SUN1: variants seen among roughly 807,000 people sequenced by gnomAD.
The protein encoded by SUN1 is Sad1 and UNC84 domain containing 1.
SUN1 carries 61 observed loss-of-function variants against 103.2 expected under a neutral mutation model. That is an observed-to-expected ratio of 0.59 (90% CI 0.48 to 0.73). The LOEUF is 0.73. Ranked by LOEUF, SUN1 falls within the 30% of genes least tolerant of loss-of-function variation. SUN1 has a pLI of 0.00. For synonymous variants in SUN1, 490 were observed against 425.7 expected, an observed-to-expected ratio of 1.15 and a Z score of -1.86; for missense variants, 1,052 against 1,034.6, an observed-to-expected ratio of 1.02 and a Z score of -0.23.
chr7:840,340 C>T (rs560626582), intron 2 of SUN1, among the ~76,000 whole-genome samples: 169 of 152,342 alleles, frequency 1.1e-3, no homozygotes, highest in African/African-American at 3.8e-3. Flanking sequence ...ACCCAGTTAC[C>T]AGGGTCGCAC....
rs59910530 is a variant in SUN1 at position 857,859 on chromosome 7, G to A, written c.1426G>A (p.Glu476Lys). The change falls in exon 13 of 19, where the codon GAG (glutamate) becomes AAG (lysine). Residue 476 changes from glutamate (E) to lysine (K), a missense_variant. Around this residue, in one of 2 missense-constraint regions of SUN1, gnomAD observed 846 missense variants for 774.5 expected, o/e 1.09. Coordinates refer to ENST00000401592, the MANE Select transcript of SUN1 (RefSeq NM_001130965.3). ...AVGEQLLPTV[E>K]HLQLELDQLK... ...TGGTGAGCAGCTCCTGCCCACAGTC[G>A]AGCACCTCCAGCTGGAGCTGGATCA... The A allele has an allele frequency of 0.17, 278,758 of 1,595,722 alleles. 25,499 individuals are homozygous for A. Among genetic ancestry groups the A allele is most frequent in the South Asian group, 0.24 (21,379 of 89,654 alleles).
At chr7:839,553 T>TACATAAAG (rs1807087885) in intron 2 of SUN1, among the ~76,000 whole-genome samples, 2 of 50,916 alleles carry the variant, frequency 3.9e-5, no homozygotes, top group African/African-American at 1.4e-4. Context: ...GCCTGGCAAA[T>TACATAAAG]TTTCCTTTTT....
intron 2 of SUN1, 182 bp from the exon 3 acceptor site, chr7:841,764 T>G: frequency 1.6e-6 from 1 of 620,704 alleles, no homozygotes; most frequent in Non-Finnish European, 2.7e-6. Context: ...AGTTCTTGGA[T>G]CCCAGCTCAA....
At position 842,214 on chromosome 7, in the gene SUN1, A is replaced by G. The variant is rs544759877; in HGVS notation, c.451+84A>G. On this transcript the variant is annotated intron_variant, in intron 3 of 18. Coordinates refer to ENST00000401592, the MANE Select transcript of SUN1 (RefSeq NM_001130965.3). The stretch of plus-strand genomic sequence containing the variant: ...GCTGGGGAGAGGGGAGGCGGTGGCC[A>G]GGTTGTCGGTTTGCATGGATTATGC... The G allele has an allele frequency of 6.1e-5, 91 of 1,483,572 alleles. No individual in the cohort carries two copies. The Middle Eastern group carries it at 8.3e-4, about 14-fold the overall frequency. The allele number at this position is 1,483,572 out of a possible 1,614,324, so 91.9% of individuals were successfully genotyped here.
intron 16 of SUN1, 150 bp downstream of exon 16, chr7:866,217 A>G (rs1836407372): frequency 2.9e-6 from 2 of 686,028 alleles, no homozygotes; most frequent in East Asian, 2.8e-5. Context: ...TCCCACACCG[A>G]GGAGTCCCCG....
At chr7:840,093 T>C (rs1322707763) in intron 2 of SUN1, among the ~76,000 whole-genome samples, 1 of 152,166 alleles carries the variant, frequency 6.6e-6, no homozygotes, top group Non-Finnish European at 1.5e-5. Flanking sequence ...CAGTCATCTT[T>C]CTCTCGAGAA....
chr7:820,704 T>G (rs1785078063), intron 1 of SUN1, among the ~76,000 whole-genome samples: 1 of 152,240 alleles, frequency 6.6e-6, no homozygotes, highest in African/African-American at 2.4e-5. Flanking sequence ...CTTTATCATG[T>G]GAGGAAGTTC....
chr7:862,255 A>T (rs1832799212), intron 15 of SUN1, among the ~76,000 whole-genome samples: 1 of 152,176 alleles, frequency 6.6e-6, no homozygotes, highest in South Asian at 2.1e-4. Flanking sequence ...AGTACACGTT[A>T]GTGTGTGGAG....
At position 841,775 on chromosome 7, in the gene SUN1, A is replaced by C. The variant is rs1810219025; in HGVS notation, c.267-171A>C. ...AGGGAGTTCTTGGATCCCAGCTCAA[A>C]AATTCCTTTTTTATATTAACAGTTG... On this transcript the variant is annotated intron_variant, in intron 2 of 18. Transcript: ENST00000401592. The C allele has an allele frequency of 4.5e-6, 3 of 666,886 alleles. No homozygotes were observed. In the East Asian group the frequency reaches 8.6e-5, roughly 19 times the overall value. The allele number at this position is 666,886 out of a possible 1,614,324, so 41.3% of individuals were successfully genotyped here.
intron 5 of SUN1, chr7:848,739 C>T: frequency 1.8e-6 from 1 of 548,348 alleles, no homozygotes; most frequent in African/African-American, 2.0e-5. Context: ...TGCTGGCTCT[C>T]TCCTGGCTTC....
chr7:844,476 C>G (rs575373060), intron 5 of SUN1, among the ~76,000 whole-genome samples: 1 of 152,174 alleles, frequency 6.6e-6, no homozygotes, highest in Non-Finnish European at 1.5e-5. Flanking sequence ...TGAAGGATGG[C>G]GACAGGACGA....
At chr7:872,755 C>T (rs1224023538) in intron 18 of SUN1, among the ~76,000 whole-genome samples, 193 bp downstream of exon 18, 1 of 152,220 alleles carries the variant, frequency 6.6e-6, no homozygotes, top group South Asian at 2.1e-4. Context: ...ACCCGTGCTT[C>T]ATGCCCTGTG....
rs148808656 is a variant in SUN1 at position 822,464 on chromosome 7, G to C, written c.-74+5791G>C. On this transcript the variant is annotated intron_variant, in intron 1 of 17. Coordinates refer to the SUN1 transcript ENST00000389574. ...TCACATCCAGGTGCCGGGTTCCCTG[G>C]GTCCCTACGGTGGGGAGACACCCCT... 4.3e-3 allele frequency among the ~76,000 whole-genome samples: 662 copies of C among 152,274 alleles called. 6 individuals carry two copies. Among genetic ancestry groups the C allele is most frequent in the Admixed American group, 0.012 (186 of 15,306 alleles).
intron 5 of SUN1, chr7:848,280 C>T (rs1818477714): frequency 1.4e-6 from 1 of 738,238 alleles, no homozygotes; most frequent in East Asian, 5.8e-5. Context: ...CCACTGCCAG[C>T]TGGGCTCTTC....
At chr7:831,598 A>T (rs1013546380), upstream of SUN1, among the ~76,000 whole-genome samples, 1 of 152,192 alleles carries the variant, frequency 6.6e-6, no homozygotes, top group African/African-American at 2.4e-5. Flanking sequence ...CAGGAGTTTC[A>T]TCATGCTTGT....
chr7:852,801 C>G lies in SUN1; in HGVS notation c.911-9C>G. ...TACCTGTGTGTGTGTGGTGGCTCTT[C>G]TCTTTTAGCAGGTCTCTCCTTACGG... On this transcript the variant is annotated splice_polypyrimidine_tract_variant and intron_variant, in intron 8 of 18. Transcript: ENST00000401592. The G allele has an allele frequency of 2.5e-6, 4 of 1,610,860 alleles. No homozygotes were observed. The highest frequency in any genetic ancestry group is 2.5e-6 in the Non-Finnish European group (3 of 1,177,944).
chr7:815,979 T>C, upstream of SUN1: 4 of 193,606 alleles, frequency 2.1e-5, no homozygotes, highest in South Asian at 5.6e-5. Flanking sequence ...CAGCTGCCCC[T>C]CCCCCAAGAC....
At chr7:859,581 A>G (rs1830555780) in intron 13 of SUN1, among the ~76,000 whole-genome samples, 1 of 152,126 alleles carries the variant, frequency 6.6e-6, no homozygotes, top group African/African-American at 2.4e-5. Context: ...GGAATGTGGG[A>G]GGGCAGCTGT....
At chr7:817,560 C>T in intron 1 of SUN1, 1 of 1,524,974 alleles carries the variant, frequency 6.6e-7, no homozygotes, top group African/African-American at 1.4e-5. Flanking sequence ...CTGCGTCTGG[C>T]TCTGATTCCG....
Sources: gnomAD v4.1 joint callset for allele counts (sites outside exome capture counted in the v4.1 genomes callset) on GRCh38, gnomAD v4.1.1 for gene constraint, gnomAD v4.1.1 regional missense constraint, MANE v1.5 for transcripts, NCBI Gene and HGNC (gene_info 2026-07-23, HGNC 2026-07-21) for gene names.